Variants in SH3KBP1 observed in about 807,000 individuals in gnomAD.
SH3KBP1 encodes SH3 domain containing kinase binding protein 1.
In SH3KBP1, 8 loss-of-function variants were observed where a neutral mutation model predicts 50.1. The ratio of observed to expected loss-of-function variants is 0.16; its 90% CI spans 0.09 to 0.29. SH3KBP1 has a LOEUF of 0.29. Ranked by LOEUF, SH3KBP1 falls within the 10% of genes least tolerant of loss-of-function variation. The pLI is 1.00. For missense variants in SH3KBP1, 377 were observed against 535.2 expected (o/e 0.70, Z 2.92); for synonymous variants, 227 against 218.6 (o/e 1.04, Z -0.34).
At chrX:19,821,000 T>A (rs1460168862) in intron 2 of SH3KBP1, among the ~76,000 whole-genome samples, 1 of 111,838 alleles carries the variant, frequency 8.9e-6, no homozygotes, top group Non-Finnish European at 1.9e-5. Flanking sequence ...CCTCCCCACC[T>A]CTTAAATATA....
At chrX:19,623,460 C>A (rs769172332) in intron 8 of SH3KBP1, among the ~76,000 whole-genome samples, 1 of 111,898 alleles carries the variant, frequency 8.9e-6, no homozygotes, top group Non-Finnish European at 1.9e-5. Context: ...CCCAGGCGGG[C>A]GGATCACCCG....
chrX:19,587,536 GCT>G (rs1463833534), intron 12 of SH3KBP1, among the ~76,000 whole-genome samples: 2 of 112,110 alleles, frequency 1.8e-5, no homozygotes, highest in Non-Finnish European at 3.8e-5. Flanking sequence ...GAGTAAATGA[GCT>G]CTTTTTGTCT....
intron 8 of SH3KBP1, among the ~76,000 whole-genome samples, chrX:19,622,678 T>G (rs192225730): frequency 8.9e-6 from 1 of 112,082 alleles, no homozygotes; most frequent in Non-Finnish European, 1.9e-5. Context: ...CAAAGACTGT[T>G]GAACAGGGTG....
chrX:19,667,965 T>C (rs1220144027), intron 6 of SH3KBP1, among the ~76,000 whole-genome samples: 1 of 110,292 alleles, frequency 9.1e-6, no homozygotes, highest in Non-Finnish European at 1.9e-5. Flanking sequence ...AACGATGGAT[T>C]TACAAGAATG....
At chrX:19,710,290 G>A (rs1175036706) in intron 3 of SH3KBP1, among the ~76,000 whole-genome samples, 1 of 112,198 alleles carries the variant, frequency 8.9e-6, no homozygotes, top group African/African-American at 3.2e-5. Context: ...GATGTTCCCT[G>A]CCCCTGAGTC....
chrX:19,862,469 G>C, intron 1 of SH3KBP1, among the ~76,000 whole-genome samples: 1 of 111,408 alleles, frequency 9.0e-6, no homozygotes, highest in Middle Eastern at 4.6e-3. Context: ...TTTGTGTAAA[G>C]CATCAGTTAT....
At chrX:19,744,556 T>C (rs2064865366) in intron 3 of SH3KBP1, among the ~76,000 whole-genome samples, 1 of 112,011 alleles carries the variant, frequency 8.9e-6, no homozygotes, top group Non-Finnish European at 1.9e-5. Flanking sequence ...ATAGACTTCA[T>C]ATTTACAGAA....
In SH3KBP1 at chrX:19,739,234, T is replaced by C. The variant is rs139115439; in HGVS notation, c.286+7084A>G. 6.8e-3 allele frequency among the ~76,000 whole-genome samples: 762 copies of C among 111,385 alleles called. 3 individuals carry two copies. The highest frequency in any genetic ancestry group is 0.012 in the Non-Finnish European group (647 of 53,101). On this transcript the variant is annotated intron_variant, in intron 3 of 17. Transcript: ENST00000397821. ...GACATTTTTATTTATCAAAAATACT[T>C]ATGCTCAGTGACATACCAAGCGGGG...
chrX:19,750,120 C>T (rs1403257837), intron 2 of SH3KBP1, among the ~76,000 whole-genome samples: 3 of 111,183 alleles, frequency 2.7e-5, no homozygotes, highest in Non-Finnish European at 5.7e-5. Context: ...AGTACAATGG[C>T]GTGATCTCAG....
chrX:19,693,809 A>G (rs1380862569), intron 5 of SH3KBP1, among the ~76,000 whole-genome samples: 3 of 112,109 alleles, frequency 2.7e-5, no homozygotes, highest in Non-Finnish European at 1.9e-5. Context: ...TTCTAAAGAT[A>G]CAAGAGGCAT....
chrX:19,670,858 A>AAAAAAAAAT, intron 6 of SH3KBP1: 1 of 1,158,595 alleles, frequency 8.6e-7, no homozygotes, highest in Non-Finnish European at 1.1e-6. Context: ...AAAAAAAGAA[A>AAAAAAAAAT]TACCTCTTCT....
At chrX:19,816,173 C>T (rs1423354699) in intron 2 of SH3KBP1, among the ~76,000 whole-genome samples, 1 of 112,352 alleles carries the variant, frequency 8.9e-6, no homozygotes, top group Non-Finnish European at 1.9e-5. Flanking sequence ...GGTGTTATCA[C>T]CATTTTTAAT....
intron 3 of SH3KBP1, among the ~76,000 whole-genome samples, chrX:19,726,451 C>T (rs1269475628): frequency 3.6e-5 from 4 of 111,202 alleles, no homozygotes; most frequent in South Asian, 3.8e-4. Context: ...GTAACTAGGG[C>T]GTACTGATTG....
intron 13 of SH3KBP1, among the ~76,000 whole-genome samples, chrX:19,563,985 G>GA (rs980845172): frequency 9.2e-6 from 1 of 109,132 alleles, no homozygotes; most frequent in East Asian, 2.9e-4. Context: ...ATGGGTTTTT[G>GA]TTTTTTTTTA....
intron 12 of SH3KBP1, among the ~76,000 whole-genome samples, chrX:19,577,970 A>T (rs1344322442): frequency 9.0e-6 from 1 of 111,088 alleles, no homozygotes; most frequent in African/African-American, 3.3e-5. Flanking sequence ...AGCTGGGAAG[A>T]AAAGGAAAGG....
At chrX:19,694,118 A>G (rs1482397841) in intron 5 of SH3KBP1, among the ~76,000 whole-genome samples, 2 of 112,432 alleles carry the variant, frequency 1.8e-5, no homozygotes, top group East Asian at 2.8e-4. Context: ...GTTTATGCAC[A>G]TTATTGCTAC....
intron 13 of SH3KBP1, among the ~76,000 whole-genome samples, chrX:19,556,254 A>C (rs923283139): frequency 9.0e-6 from 1 of 110,547 alleles, no homozygotes; most frequent in African/African-American, 3.3e-5. Context: ...GGAAACAAGA[A>C]TCTAAGAGCA....
chrX:19,718,532 C>T (rs2063972987), intron 3 of SH3KBP1, among the ~76,000 whole-genome samples: 1 of 112,091 alleles, frequency 8.9e-6, no homozygotes, highest in African/African-American at 3.2e-5. Context: ...AATTTGTCTT[C>T]ACAAAGAGCA....
Position 19,651,282 on chromosome X carries a change from T to C in SH3KBP1, c.727-5807A>G, listed in dbSNP as rs567187073. Among the ~76,000 whole-genome samples, 34 of 111,312 alleles carry C rather than the reference T, an allele frequency of 3.1e-4. No homozygotes were observed. In the South Asian group the frequency reaches 0.012, roughly 41 times the overall value. ...ATTTACATTAGAAACTGTCATCTCA[T>C]CTACATTTGGTGGGCCCAGCTTAAA... On this transcript the variant is annotated intron_variant, in intron 6 of 17. Coordinates refer to ENST00000397821, the MANE Select transcript of SH3KBP1 (RefSeq NM_031892.3).
Sources: allele counts gnomAD v4.1 joint callset (sites outside exome capture counted in the v4.1 genomes callset), GRCh38; gene constraint gnomAD v4.1.1; transcripts MANE v1.5; gene names NCBI Gene and HGNC (gene_info 2026-07-23, HGNC 2026-07-21).